Variants in RABGGTB observed in about 807,000 individuals in gnomAD.
RABGGTB encodes the protein Rab geranylgeranyltransferase subunit beta.
Under a neutral mutation model 44.5 loss-of-function variants are expected in RABGGTB, and 20 were observed. The observed-to-expected ratio is 0.45, with a 90% CI of 0.32 to 0.65. The LOEUF is 0.65. Ranked by LOEUF, RABGGTB falls within the 30% of genes least tolerant of loss-of-function variation. The pLI is 0.05. For missense variants in RABGGTB, 302 were observed against 398.7 expected (o/e 0.76, Z 2.06); for synonymous variants, 128 against 136.7 (o/e 0.94, Z 0.44).
At chr1:75,792,749 C>CT (rs1292024705) in intron 7 of RABGGTB, among the ~76,000 whole-genome samples, 2 of 152,120 alleles carry the variant, frequency 1.3e-5, no homozygotes, top group African/African-American at 4.8e-5. Flanking sequence ...TGTAATTGTC[C>CT]TGTAGAGCAA....
rs1649720217 is a variant in RABGGTB, at chr1:75,794,409, G to A, written c.856-101G>A. 9 of 1,353,142 alleles carry A rather than the reference G, an allele frequency of 6.7e-6. No homozygotes were observed. In the South Asian group the frequency reaches 1.3e-4, roughly 20 times the overall value. The allele number at this position is 1,353,142 out of a possible 1,614,324, so 83.8% of individuals were successfully genotyped here. A position where few individuals can be genotyped will look rare whatever the true frequency, so the allele number is the denominator to read the frequency against. ...ATCTTACAGAAATTTCTTGTCGCTT[G>A]TTGCTAACAAAATTAGTATATGGTA... On this transcript the variant is annotated intron_variant, in intron 8 of 8. Coordinates refer to ENST00000319942, the MANE Select transcript of RABGGTB (RefSeq NM_004582.4).
At chr1:75,791,930 A>G in intron 6 of RABGGTB, 1 of 423,030 alleles carries the variant, frequency 2.4e-6, no homozygotes. Context: ...AACACTGAAT[A>G]TGTGAATGGA....
rs761094098 is a variant in RABGGTB at position 75,791,497 on chromosome 1, G to T, written c.505G>T (p.Glu169Ter). ...TGCTATTAATGTGGAAAAGGCAATC[G>T]AATTTGTTTTATCCTGTATGAACTT... ...LDAINVEKAI[E>*]FVLSCMNFDG... Residue 169 changes from glutamate to a stop codon, truncating the protein, a stop_gained, in exon 6 of 9, where the codon GAA (glutamate) becomes TAA (stop). Transcript: ENST00000319942. LOFTEE classifies it high-confidence loss of function. The T allele has an allele frequency of 6.2e-7, 1 of 1,612,976 alleles. No homozygotes were observed. Among genetic ancestry groups the T allele is most frequent in the Non-Finnish European group, 8.5e-7 (1 of 1,179,882 alleles).
Position 75,786,376 on chromosome 1 carries a change from G to C in RABGGTB, c.3+102G>C, listed in dbSNP as rs1290210089. ...CCTTAGGATTGGTTTCCTGGTGCTG[G>C]AGAATGGTTAGGACACAGGCCTTGG... On this transcript the variant is annotated intron_variant, in intron 1 of 8. Transcript: ENST00000319942. 4.0e-6 allele frequency: 6 copies of C among 1,511,012 alleles called. No individual in the cohort carries two copies. In the East Asian group the frequency reaches 1.3e-4, roughly 34 times the overall value. 93.6% of individuals were successfully genotyped at this position (1,511,012 alleles called of 1,614,324 possible).
rs1557481506 is a variant in RABGGTB at position 75,791,514 on chromosome 1, T to C, written c.522T>C (p.Cys174=). 1 of 1,613,580 alleles carries C rather than the reference T, an allele frequency of 6.2e-7. No homozygotes were observed. Among genetic ancestry groups the C allele is most frequent in the South Asian group, 1.1e-5 (1 of 91,018 alleles). Residue 174 remains cysteine, a synonymous_variant, in exon 6 of 9, where the codon TGT becomes TGC. Transcript: ENST00000319942. ...VEKAIEFVLS[C]MNFDGGFGCR... ...AGGCAATCGAATTTGTTTTATCCTG[T>C]ATGAACTTTGACGGTGGATTTGGTT... is the stretch of plus-strand genomic sequence containing the variant.
At chr1:75,790,106 T>C in intron 4 of RABGGTB, 49 bp downstream of exon 4, 2 of 1,605,360 alleles carry the variant, frequency 1.2e-6, no homozygotes, top group Non-Finnish European at 1.7e-6. Context: ...TATTAAAATG[T>C]ACTGGTTTTG....
intron 1 of RABGGTB, 43 bp downstream of exon 1, chr1:75,786,317 A>G (rs1649474349): frequency 6.2e-7 from 1 of 1,612,428 alleles, no homozygotes; most frequent in Non-Finnish European, 8.5e-7. Context: ...GGTTGGTAGC[A>G]GACAGGGTGG....
rs764535397 is a variant in RABGGTB at position 75,794,044 on chromosome 1, TAAAAG to T, written c.706-38_706-34del. 60 of 1,553,574 alleles carry T rather than the reference TAAAAG, an allele frequency of 3.9e-5. No homozygotes were observed. In the Middle Eastern group the frequency reaches 5.2e-4, roughly 14 times the overall value. On this transcript the variant is annotated intron_variant, in intron 7 of 8. Coordinates refer to ENST00000319942, the MANE Select transcript of RABGGTB (RefSeq NM_004582.4). Reference sequence around the variant, plus strand: ...TAAATTGTTCTCAAAATTAGGGAAATAAAAGAGAATGAAATTGTGGCAACTTTTTT... The same window carrying T: ...TAAATTGTTCTCAAAATTAGGGAAATAGAATGAAATTGTGGCAACTTTTTT...
chr1:75,792,436 A>C lies in RABGGTB; in HGVS notation c.705+130A>C, dbSNP rs899100342. On this transcript the variant is annotated intron_variant, in intron 7 of 8. Coordinates refer to ENST00000319942, the MANE Select transcript of RABGGTB (RefSeq NM_004582.4). ...TTACCTTTCCCTGTTGTGAATTTTCAGTAATATATCCTACTAAAAGACTCC... is the reference window on the plus strand; with the variant it reads ...TTACCTTTCCCTGTTGTGAATTTTCCGTAATATATCCTACTAAAAGACTCC... 18 of 1,274,366 alleles carry C rather than the reference A, an allele frequency of 1.4e-5. No individual in the cohort carries two copies. The African/African-American group carries it at 2.2e-4, about 16-fold the overall frequency. The allele number at this position is 1,274,366 out of a possible 1,614,324, so 78.9% of individuals were successfully genotyped here.
At chr1:75,789,571 A>G in intron 3 of RABGGTB, 2 of 753,550 alleles carry the variant, frequency 2.7e-6, no homozygotes, top group South Asian at 1.4e-5. Flanking sequence ...TTTTATCTTC[A>G]GTATGTGTAA....
Position 75,794,587 on chromosome 1 carries a change from T to C in RABGGTB, c.933T>C (p.Pro311=). ...AAGAACAGATTAAACCTGTTAATCC[T>C]GTCTTTTGCATGCCTGAAGAAGTGC... ...LGEEQIKPVN[P]VFCMPEEVLQ... is the part of the protein sequence containing the mutation. The change falls in exon 9 of 9, where the codon CCT becomes CCC. Residue 311 remains proline (P), a synonymous_variant. Transcript: ENST00000319942. The C allele has an allele frequency of 6.2e-7, 1 of 1,613,214 alleles. No individual in the cohort carries two copies. Among genetic ancestry groups the C allele is most frequent in the African/African-American group, 1.3e-5 (1 of 75,036 alleles).
chr1:75,790,251 GA>G, intron 4 of RABGGTB, 194 bp downstream of exon 4: 3 of 1,263,954 alleles, frequency 2.4e-6, no homozygotes, highest in Non-Finnish European at 3.0e-6. Flanking sequence ...CACTGGAACA[GA>G]GGGGGCCAGT....
chr1:75,790,358 A>T lies in RABGGTB; in HGVS notation c.415+301A>T, dbSNP rs565900221. The T allele has an allele frequency of 3.0e-3, 3,258 of 1,087,334 alleles. 5 individuals carry two copies. The highest frequency in any genetic ancestry group is 6.9e-3 in the Admixed American group (85 of 12,348). 67.4% of individuals were successfully genotyped at this position (1,087,334 alleles called of 1,614,324 possible). A position where few individuals can be genotyped will look rare whatever the true frequency, so the allele number is the denominator to read the frequency against. ...TTGCTGGAAAGGGAAAAATATTTAA[A>T]AAAAAAAACTTTACAAACTTGCTGA... On this transcript the variant is annotated intron_variant, in intron 4 of 8. Coordinates refer to ENST00000319942, the MANE Select transcript of RABGGTB (RefSeq NM_004582.4).
At chr1:75,793,330 C>T (rs907763680) in intron 7 of RABGGTB, 2 of 151,308 alleles carry the variant, frequency 1.3e-5, no homozygotes, top group African/African-American at 4.9e-5. Flanking sequence ...CTCCTGACCT[C>T]AGGTGATCTA....
At chr1:75,786,952 G>A in intron 1 of RABGGTB, 1 of 372,132 alleles carries the variant, frequency 2.7e-6, no homozygotes, top group East Asian at 8.6e-5. Context: ...TATGCTTTCT[G>A]CCACATGTAA....
chr1:75,787,021 A>G (rs1247217152), intron 1 of RABGGTB: 1 of 501,664 alleles, frequency 2.0e-6, no homozygotes, highest in Non-Finnish European at 4.0e-6. Context: ...TTTTTTACTT[A>G]TCTTTTTGAA....
chr1:75,786,391 A>G lies in RABGGTB; in HGVS notation c.3+117A>G, dbSNP rs1269789140. 14 of 1,432,398 alleles carry G rather than the reference A, an allele frequency of 9.8e-6. No homozygotes were observed. In the East Asian group the frequency reaches 1.4e-4, roughly 14 times the overall value. The allele number at this position is 1,432,398 out of a possible 1,614,324, so 88.7% of individuals were successfully genotyped here. A position where few individuals can be genotyped will look rare whatever the true frequency, so the allele number is the denominator to read the frequency against. On this transcript the variant is annotated intron_variant, in intron 1 of 8. Transcript: ENST00000319942. Reference sequence around the variant, plus strand: ...CCTGGTGCTGGAGAATGGTTAGGACACAGGCCTTGGAAGGTTTTTTGAGTG... The same window carrying G: ...CCTGGTGCTGGAGAATGGTTAGGACGCAGGCCTTGGAAGGTTTTTTGAGTG...
At chr1:75,794,389 A>AG in intron 8 of RABGGTB, 121 bp from the exon 9 acceptor site, 2 of 1,313,674 alleles carry the variant, frequency 1.5e-6, no homozygotes, top group Non-Finnish European at 2.1e-6. Context: ...GAACAATCTT[A>AG]CAGAAATTTC....
chr1:75,791,417 T>C, intron 5 of RABGGTB, 44 bp from the exon 6 acceptor site: 1 of 1,573,142 alleles, frequency 6.4e-7, no homozygotes, highest in East Asian at 2.2e-5. Flanking sequence ...TCTGATCTGC[T>C]GAATACTCTG....
Sources: gnomAD v4.1 joint callset for allele counts (sites outside exome capture counted in the v4.1 genomes callset) on GRCh38, gnomAD v4.1.1 for gene constraint, MANE v1.5 for transcripts, NCBI Gene and HGNC (gene_info 2026-07-23, HGNC 2026-07-21) for gene names.